The following DOCK2 variants were observed in gnomAD, a reference collection of about 807,000 sequenced individuals.
DOCK2 encodes the protein dedicator of cytokinesis 2, also known as dedicator of cytokinesis protein 2.
Under a neutral mutation model 248.9 loss-of-function variants are expected in DOCK2, and 87 were observed. That is an observed-to-expected ratio of 0.35 (90% CI 0.29 to 0.42). The LOEUF (loss-of-function observed/expected upper bound fraction) is 0.42, where lower values mean the gene tolerates loss of function less well. Ranked by LOEUF, DOCK2 falls within the 10% of genes least tolerant of loss-of-function variation. The pLI is 1.00. For synonymous variants in DOCK2, 805 were observed against 821.6 expected, an observed-to-expected ratio of 0.98 and a Z score of 0.35; for missense variants, 1,747 against 2,300.2, an observed-to-expected ratio of 0.76 and a Z score of 4.92.
intron 10 of DOCK2, among the ~76,000 whole-genome samples, chr5:169,697,194 A>G (rs1367697923): frequency 1.3e-5 from 2 of 152,196 alleles, no homozygotes; most frequent in Non-Finnish European, 2.9e-5. Flanking sequence ...CGCTTCAGGC[A>G]TAGCTGGATC....
At chr5:169,649,681 G>C (rs967767801) in intron 1 of DOCK2, among the ~76,000 whole-genome samples, 36 of 152,212 alleles carry the variant, frequency 2.4e-4, no homozygotes, top group Non-Finnish European at 3.1e-4. Context: ...GCCACTTTCT[G>C]TGTGGCTATG....
chr5:169,999,263 A>T (rs1754752987), intron 30 of DOCK2, among the ~76,000 whole-genome samples: 1 of 152,192 alleles, frequency 6.6e-6, no homozygotes, highest in East Asian at 1.9e-4. Flanking sequence ...CTTTAGACAA[A>T]TTACTTCATC....
chr5:169,897,746 G>C (rs569020131), intron 27 of DOCK2, among the ~76,000 whole-genome samples: 1 of 152,140 alleles, frequency 6.6e-6, no homozygotes. Context: ...TGTCTAGAAG[G>C]CCATCGTCAG....
At chr5:169,805,465 T>C (rs142261405) in intron 26 of DOCK2, among the ~76,000 whole-genome samples, 5 of 152,344 alleles carry the variant, frequency 3.3e-5, no homozygotes, top group African/African-American at 4.8e-5. Flanking sequence ...TTTTACATTT[T>C]AGTAATGCTC....
intron 26 of DOCK2, among the ~76,000 whole-genome samples, chr5:169,807,833 CAAAAAA>C (rs61670398): frequency 6.6e-4 from 16 of 24,230 alleles, no homozygotes; most frequent in South Asian, 2.0e-3. Context: ...GACTCTGTCT[CAAAAAA>C]AAAAAAAAAA....
chr5:169,743,830 A>G (rs1763459226), intron 22 of DOCK2, among the ~76,000 whole-genome samples: 1 of 148,354 alleles, frequency 6.7e-6, no homozygotes, highest in Non-Finnish European at 1.5e-5. Context: ...TTTTAGATAT[A>G]TATATTTATA....
chr5:169,659,130 A>T (rs1758305108), intron 2 of DOCK2, among the ~76,000 whole-genome samples: 1 of 151,652 alleles, frequency 6.6e-6, no homozygotes, highest in African/African-American at 2.4e-5. Context: ...GGGATTACAG[A>T]TGCATGCCAC....
chr5:170,080,332 C>T (rs1224488244), intron 50 of DOCK2, 49 bp downstream of exon 50: 3 of 1,606,394 alleles, frequency 1.9e-6, no homozygotes, highest in Non-Finnish European at 1.7e-6. Flanking sequence ...TAGTGCAGGC[C>T]ACCAGCCTTG....
intron 27 of DOCK2, among the ~76,000 whole-genome samples, chr5:169,909,762 C>T (rs1290653513): frequency 2.0e-5 from 3 of 152,164 alleles, no homozygotes; most frequent in Admixed American, 6.5e-5. Flanking sequence ...GAATAAAATA[C>T]AATCCAAGAT....
At chr5:170,009,545 A>T (rs1040059261) in intron 32 of DOCK2, among the ~76,000 whole-genome samples, 10 of 152,184 alleles carry the variant, frequency 6.6e-5, no homozygotes, top group African/African-American at 1.9e-4. Context: ...GGATGAACGA[A>T]CAGTAATGAA....
At chr5:169,929,418 C>T (rs1775634558) in intron 27 of DOCK2, among the ~76,000 whole-genome samples, 1 of 152,068 alleles carries the variant, frequency 6.6e-6, no homozygotes, top group Non-Finnish European at 1.5e-5. Context: ...GCTTATCTTG[C>T]CATGGGATGA....
At chr5:169,713,576 A>C (rs1269044716) in intron 17 of DOCK2, among the ~76,000 whole-genome samples, 1 of 152,172 alleles carries the variant, frequency 6.6e-6, no homozygotes, top group Non-Finnish European at 1.5e-5. Flanking sequence ...ACAAAGAGGC[A>C]AAATAGTGTA....
rs187112445 is a variant in DOCK2 at position 169,706,276 on chromosome 5, A to G, written c.1384-1893A>G. 6.6e-5 allele frequency among the ~76,000 whole-genome samples: 10 copies of G among 152,378 alleles called. No homozygotes were observed. In the East Asian group the frequency reaches 1.3e-3, roughly 21 times the overall value. ...TGTAGTTTCTGATTTGGTAAGCTAC[A>G]TGGGATTTACTGTAACTACAGAAAC... On this transcript the variant is annotated intron_variant, in intron 14 of 51. Transcript: ENST00000520908.
chr5:169,934,186 G>A (rs1322729756), intron 27 of DOCK2, among the ~76,000 whole-genome samples: 1 of 152,124 alleles, frequency 6.6e-6, no homozygotes, highest in Non-Finnish European at 1.5e-5. Context: ...ACTGGGGCGG[G>A]GCTTATGCCA....
chr5:170,079,837 C>A (rs1001708619), intron 49 of DOCK2: 4 of 213,374 alleles, frequency 1.9e-5, no homozygotes, highest in Middle Eastern at 1.7e-3. Flanking sequence ...CCTCCAGAAA[C>A]TTCCCAGTGG....
chr5:169,662,380 A>T (rs1283493233), intron 2 of DOCK2, among the ~76,000 whole-genome samples: 1 of 152,158 alleles, frequency 6.6e-6, no homozygotes, highest in African/African-American at 2.4e-5. Flanking sequence ...TCAGATGTAT[A>T]GTTTGCAATT....
chr5:169,683,283 A>T (rs527705589), intron 7 of DOCK2, among the ~76,000 whole-genome samples: 15 of 152,270 alleles, frequency 9.9e-5, no homozygotes, highest in Admixed American at 5.9e-4. Flanking sequence ...AGGCTGGAGT[A>T]TAATGGTGTG....
intron 18 of DOCK2, 51 bp from the exon 19 acceptor site, chr5:169,714,309 T>A: frequency 6.2e-7 from 1 of 1,613,228 alleles, no homozygotes; most frequent in South Asian, 1.1e-5. Flanking sequence ...GGTCCTGATA[T>A]GGACAGTTAG....
At chr5:169,696,000 G>A (rs1241161313) in intron 10 of DOCK2, 62 bp downstream of exon 10, 1 of 1,515,470 alleles carries the variant, frequency 6.6e-7, no homozygotes, top group Non-Finnish European at 8.8e-7. Flanking sequence ...TGGCTGAATT[G>A]TAATGATGAT....
Sources: gnomAD v4.1 joint callset for allele counts (sites outside exome capture counted in the v4.1 genomes callset) on GRCh38, gnomAD v4.1.1 for gene constraint, MANE v1.5 for transcripts, NCBI Gene and HGNC (gene_info 2026-07-23, HGNC 2026-07-21) for gene names.